CAPSL: variants seen among roughly 807,000 people sequenced by gnomAD.
The protein encoded by CAPSL is calcyphosin-like protein.
In CAPSL, 17 loss-of-function variants were observed where a neutral mutation model predicts 21.3. The observed-to-expected ratio is 0.80, with a 90% CI of 0.55 to 1.20. The LOEUF (loss-of-function observed/expected upper bound fraction) is 1.20, where lower values mean the gene tolerates loss of function less well. Ranked by LOEUF, CAPSL falls within the 50% of genes most tolerant of loss-of-function variation. CAPSL has a pLI of 0.00. For missense variants in CAPSL, 289 were observed against 259.3 expected (o/e 1.11, Z -0.79); for synonymous variants, 102 against 89.3 (o/e 1.14, Z -0.80).
chr5:35,931,389 A>G (rs1401146745), intron 1 of CAPSL, among the ~76,000 whole-genome samples: 2 of 152,062 alleles, frequency 1.3e-5, no homozygotes, highest in East Asian at 3.9e-4. Flanking sequence ...AGCAAAATAA[A>G]CAGCTTAGCA....
At chr5:35,928,768 G>C (rs1738747691) in intron 1 of CAPSL, among the ~76,000 whole-genome samples, 1 of 152,120 alleles carries the variant, frequency 6.6e-6, no homozygotes, top group Non-Finnish European at 1.5e-5. Flanking sequence ...GATGGCCCCT[G>C]GCAACAAAGA....
chr5:35,907,736 T>C (rs1238495637), intron 4 of CAPSL, among the ~76,000 whole-genome samples: 4 of 152,230 alleles, frequency 2.6e-5, no homozygotes, highest in Admixed American at 2.6e-4. Flanking sequence ...TTTTGCATTA[T>C]TTTAAATTTT....
intron 1 of CAPSL, among the ~76,000 whole-genome samples, chr5:35,935,870 C>T (rs1448184554): frequency 6.6e-6 from 1 of 152,130 alleles, no homozygotes; most frequent in Non-Finnish European, 1.5e-5. Context: ...TTTCAACCTC[C>T]CACCATCTCA....
intron 1 of CAPSL, among the ~76,000 whole-genome samples, chr5:35,929,464 T>C (rs1280207895): frequency 1.3e-5 from 2 of 151,982 alleles, no homozygotes; most frequent in African/African-American, 4.8e-5. Flanking sequence ...AGCTGATTTT[T>C]GTATTTTTAG....
At chr5:35,926,114 G>A (rs16902614) in intron 1 of CAPSL, among the ~76,000 whole-genome samples, 3,183 of 151,620 alleles carry the variant, frequency 0.021, 95 homozygotes, top group East Asian at 0.055. Flanking sequence ...GGGAAAGGCC[G>A]TTTGCATTGT....
chr5:35,918,766 T>A lies in CAPSL; in HGVS notation c.137+2218A>T, dbSNP rs538596769. 3.3e-5 allele frequency among the ~76,000 whole-genome samples: 5 copies of A among 152,188 alleles called. No individual in the cohort carries two copies. The South Asian group carries it at 1.0e-3, about 32-fold the overall frequency. Reference sequence around the variant, plus strand: ...ATCAAAATAATGAGAACTTTACCCATAAGAGAGCTAACAGAACTCTAGCAA... The same window carrying A: ...ATCAAAATAATGAGAACTTTACCCAAAAGAGAGCTAACAGAACTCTAGCAA... On this transcript the variant is annotated intron_variant, in intron 2 of 4. Coordinates refer to ENST00000651391, the MANE Select transcript of CAPSL (RefSeq NM_001042625.2).
intron 4 of CAPSL, among the ~76,000 whole-genome samples, chr5:35,908,935 T>C (rs753969461): frequency 4.6e-5 from 7 of 152,198 alleles, no homozygotes; most frequent in African/African-American, 9.7e-5. Flanking sequence ...TCTCTTCTTG[T>C]CCACTGGGCC....
At chr5:35,920,870 A>G in intron 2 of CAPSL, 114 bp downstream of exon 2, 1 of 1,064,046 alleles carries the variant, frequency 9.4e-7, no homozygotes, top group African/African-American at 1.6e-5. Context: ...ACAAATAAGG[A>G]ACTGAGCCCC....
intron 2 of CAPSL, among the ~76,000 whole-genome samples, chr5:35,915,977 C>T (rs1213248129): frequency 5.3e-5 from 8 of 152,154 alleles, no homozygotes; most frequent in Non-Finnish European, 1.2e-4. Flanking sequence ...TCGTCTCAGC[C>T]CAAAATCTTC....
chr5:35,920,913 C>T (rs1025938340), intron 2 of CAPSL, 71 bp downstream of exon 2: 14 of 1,533,706 alleles, frequency 9.1e-6, no homozygotes, highest in East Asian at 2.3e-5. Flanking sequence ...GACCACGTGG[C>T]CAACATTAGC....
chr5:35,935,927 AC>A (rs1179278192), intron 1 of CAPSL, among the ~76,000 whole-genome samples: 1 of 152,170 alleles, frequency 6.6e-6, no homozygotes, highest in East Asian at 1.9e-4. Context: ...CATGTACTTA[AC>A]GGCAGACTGA....
chr5:35,925,612 A>T (rs1401181749), intron 1 of CAPSL, among the ~76,000 whole-genome samples: 1 of 152,150 alleles, frequency 6.6e-6, no homozygotes, highest in Non-Finnish European at 1.5e-5. Context: ...CTGGGGTGCC[A>T]GGGTGGGATT....
At chr5:35,908,309 G>A (rs2149916084) in intron 4 of CAPSL, among the ~76,000 whole-genome samples, 1 of 152,302 alleles carries the variant, frequency 6.6e-6, no homozygotes, top group Middle Eastern at 3.4e-3. Context: ...ATTATGAACA[G>A]CCAGAGTTGG....
intron 1 of CAPSL, among the ~76,000 whole-genome samples, chr5:35,928,607 T>G (rs1425500256): frequency 1.4e-4 from 21 of 152,198 alleles, no homozygotes; most frequent in Admixed American, 1.4e-3. Context: ...GCTTCTCAAC[T>G]GGGTACAATC....
At chr5:35,912,730 C>A (rs961098426) in intron 2 of CAPSL, among the ~76,000 whole-genome samples, 3 of 152,080 alleles carry the variant, frequency 2.0e-5, no homozygotes, top group Non-Finnish European at 4.4e-5. Context: ...CATCAAAGAC[C>A]AAAGGTAGAT....
intron 1 of CAPSL, among the ~76,000 whole-genome samples, chr5:35,937,025 A>C (rs1738966340): frequency 6.6e-6 from 1 of 152,134 alleles, no homozygotes; most frequent in Admixed American, 6.5e-5. Flanking sequence ...AACCCTTTAC[A>C]TCCAAATAGC....
intron 4 of CAPSL, among the ~76,000 whole-genome samples, chr5:35,907,561 C>T (rs188271711): frequency 2.6e-5 from 4 of 152,222 alleles, no homozygotes; most frequent in Admixed American, 6.5e-5. Context: ...CACCTCCATC[C>T]AAATGGCTTC....
chr5:35,905,829 T>G (rs1204756897), intron 4 of CAPSL, among the ~76,000 whole-genome samples: 1 of 152,224 alleles, frequency 6.6e-6, no homozygotes, highest in Non-Finnish European at 1.5e-5. Flanking sequence ...CAGGACAACC[T>G]GGGGTGTCTG....
At chr5:35,923,814 T>C (rs1738599483) in intron 1 of CAPSL, among the ~76,000 whole-genome samples, 1 of 152,196 alleles carries the variant, frequency 6.6e-6, no homozygotes, top group Admixed American at 6.5e-5. Context: ...TAAAAATGTT[T>C]TGGAACTTGA....
Sources: allele counts gnomAD v4.1 joint callset (sites outside exome capture counted in the v4.1 genomes callset), GRCh38; gene constraint gnomAD v4.1.1; transcripts MANE v1.5; gene names NCBI Gene and HGNC (gene_info 2026-07-23, HGNC 2026-07-21).